Variants in CEP350 observed in about 807,000 individuals in gnomAD.
The protein encoded by CEP350 is centrosomal protein 350.
CEP350 carries 126 observed loss-of-function variants against 331.8 expected under a neutral mutation model. The ratio of observed to expected loss-of-function variants is 0.38; its 90% confidence interval spans 0.33 to 0.44. CEP350 has a LOEUF of 0.44. Among genes scored for constraint, CEP350 ranks in the 20% least tolerant of loss-of-function variants. The probability of loss-of-function intolerance (pLI) is 1.00; values close to 1 mark genes in which losing one functional copy is unlikely to be tolerated. For synonymous variants in CEP350, 1,200 were observed against 1,259.5 expected (o/e 0.95, Z 1.00); for missense variants, 3,406 against 3,634.6 (o/e 0.94, Z 1.62).
At chr1:179,995,070 A>C (rs995048497) in intron 5 of CEP350, among the ~76,000 whole-genome samples, 24 of 152,322 alleles carry the variant, frequency 1.6e-4, no homozygotes, top group African/African-American at 5.1e-4. Context: ...TACATTCCTA[A>C]ATGTTTAGAA....
chr1:180,072,120 A>C (rs1214828481), intron 27 of CEP350, among the ~76,000 whole-genome samples: 1 of 152,232 alleles, frequency 6.6e-6, no homozygotes, highest in Non-Finnish European at 1.5e-5. Flanking sequence ...TACACTCCTT[A>C]TATAAGGATG....
chr1:179,962,607 A>C (rs997802317), intron 1 of CEP350, among the ~76,000 whole-genome samples: 2 of 151,942 alleles, frequency 1.3e-5, no homozygotes, highest in African/African-American at 4.8e-5. Context: ...ATGGAGTTTC[A>C]CTATGTTGGT....
At chr1:179,993,845 T>C (rs752135564) in intron 5 of CEP350, among the ~76,000 whole-genome samples, 6 of 152,208 alleles carry the variant, frequency 3.9e-5, no homozygotes, top group Non-Finnish European at 8.8e-5. Context: ...AAAACTCTTA[T>C]TACTTTCTGT....
rs1653139016 is a variant in CEP350 at position 179,992,072 on chromosome 1, C to T, written c.246C>T (p.Tyr82=). 6 of 1,537,790 alleles carry T rather than the reference C, an allele frequency of 3.9e-6. No homozygotes were observed. The highest frequency in any genetic ancestry group is 3.8e-5 in the South Asian group (3 of 78,506). The change falls in exon 5 of 38, where the codon TAC becomes TAT. Residue 82 remains tyrosine, a synonymous_variant. Transcript: ENST00000367607. ...TRKISRKDGR[Y]LDDSWVNAPI... is the part of the protein sequence containing the mutation. The stretch of plus-strand genomic sequence containing the variant: ...TTCCTTTTCCTTCAGATGGTAGATA[C>T]CTGGATGATTCTTGGGTTAATGCTC...
intron 7 of CEP350, among the ~76,000 whole-genome samples, chr1:180,004,904 TTG>T (rs1350371865): frequency 1.8e-4 from 12 of 66,312 alleles, no homozygotes; most frequent in Admixed American, 9.3e-4. Context: ...GCTTGCTTGC[TTG>T]CTTTCTTTCT....
intron 4 of CEP350, among the ~76,000 whole-genome samples, chr1:179,991,691 GTGTGTGTGTGTGTGTGTATATA>G (rs1243441577): frequency 1.6e-5 from 2 of 126,644 alleles, no homozygotes; most frequent in Admixed American, 1.7e-4. Flanking sequence ...GTGTGTGTGT[GTGTGTGTGTGTGTGTGTATATA>G]TATATATATA....
Position 180,053,922 on chromosome 1 carries a change from A to G in CEP350, c.5162A>G (p.Glu1721Gly). 2.6e-6 allele frequency: 4 copies of G among 1,551,962 alleles called. No homozygotes were observed. The highest frequency in any genetic ancestry group is 2.6e-6 in the Non-Finnish European group (3 of 1,149,658). ...EKTKAELAWL[E>G]HQKKHLRDKG... The stretch of plus-strand genomic sequence containing the variant: ...ACTAAGGCTGAATTGGCCTGGTTAG[A>G]GCATCAAAAAAAGTAAGTTCTTTTG... Residue 1721 changes from glutamate to glycine, a missense_variant, in exon 24 of 38, where the codon GAG becomes GGG. Glu to Gly is a moderately conservative substitution (Grantham distance 98, BLOSUM62 -2). Coordinates refer to ENST00000367607, the MANE Select transcript of CEP350 (RefSeq NM_014810.5).
intron 3 of CEP350, among the ~76,000 whole-genome samples, chr1:179,988,153 T>C (rs1652777156): frequency 6.6e-6 from 1 of 151,720 alleles, no homozygotes; most frequent in Admixed American, 6.6e-5. Flanking sequence ...AAAAATTAGC[T>C]GGGTGTGGTG....
chr1:180,042,132 T>TCTCTCACACACACACACACACACACA (rs1553258521), intron 19 of CEP350, among the ~76,000 whole-genome samples: 3 of 146,774 alleles, frequency 2.0e-5, no homozygotes, highest in African/African-American at 5.0e-5. Context: ...GAGTTTTCTC[T>TCTCTCACACACACACACACACACACA]CACACACACA....
chr1:179,990,538 C>A lies in CEP350; in HGVS notation c.152C>A (p.Ala51Asp). 6.2e-7 allele frequency: 1 copy of A among 1,600,284 alleles called. No homozygotes were observed. The highest frequency in any genetic ancestry group is 8.5e-7 in the Non-Finnish European group (1 of 1,172,368). ...CACATTGAAAATAAATTAGAAGTAG[C>A]CCCTACAAGTACAGCTGTGTGTGAT... ...LRHIENKLEV[A>D]PTSTAVCDSV... is the part of the protein sequence containing the mutation. Residue 51 changes from alanine to aspartate, a missense_variant, in exon 4 of 38, where the codon GCC (alanine) becomes GAC (aspartate). Ala to Asp is a moderately radical substitution (Grantham distance 126, BLOSUM62 -2). Coordinates refer to ENST00000367607, the MANE Select transcript of CEP350 (RefSeq NM_014810.5).
intron 6 of CEP350, among the ~76,000 whole-genome samples, chr1:179,998,462 T>G (rs1014182508): frequency 6.6e-6 from 1 of 151,462 alleles, no homozygotes; most frequent in African/African-American, 2.4e-5. Context: ...CCCACCACCA[T>G]GCCCAGCTAA....
chr1:180,016,033 T>C (rs764175583), intron 11 of CEP350, 63 bp downstream of exon 11: 5 of 1,580,052 alleles, frequency 3.2e-6, no homozygotes, highest in Non-Finnish European at 4.3e-6. Flanking sequence ...GAGTGGTCTA[T>C]GTTCAGAGAA....
rs538145060 is a variant in CEP350 at position 180,113,398 on chromosome 1, A to T, written c.*2237A>T. Reference sequence around the variant, plus strand: ...GACTCCAGAAAAAGAAAAAAAAAATACAAGTCATGGAATCAGCAATCTGGT... The same window carrying T: ...GACTCCAGAAAAAGAAAAAAAAAATTCAAGTCATGGAATCAGCAATCTGGT... On this transcript the variant is annotated 3_prime_UTR_variant, in exon 38 of 38. Transcript: ENST00000367607. The T allele has an allele frequency of 3.3e-5, 5 of 152,146 alleles. No homozygotes were observed. The highest frequency in any genetic ancestry group is 1.5e-5 in the Non-Finnish European group (1 of 68,036). The allele number at this position is 152,146 out of a possible 1,614,324, so 9.4% of individuals were successfully genotyped here.
At chr1:180,088,941 A>C (rs1660015238) in intron 32 of CEP350, among the ~76,000 whole-genome samples, 1 of 152,192 alleles carries the variant, frequency 6.6e-6, no homozygotes, top group Non-Finnish European at 1.5e-5. Context: ...CACAATAGCA[A>C]ATGTCAACAA....
chr1:180,033,884 T>C lies in CEP350; in HGVS notation c.3748T>C (p.Ser1250Pro), dbSNP rs1656182326. 1.9e-6 allele frequency: 3 copies of C among 1,613,746 alleles called. No individual in the cohort carries two copies. In the African/African-American group the frequency reaches 4.0e-5, roughly 22 times the overall value. Residue 1250 changes from serine to proline, a missense_variant, in exon 16 of 38, where the codon TCT (serine) becomes CCT (proline). By Grantham distance (74) the Ser-to-Pro change is moderately conservative (BLOSUM62 -1). This residue lies in a region of CEP350 where 1,857 missense variants were observed against 1,909.2 expected (regional missense o/e 0.97). Coordinates refer to ENST00000367607, the MANE Select transcript of CEP350 (RefSeq NM_014810.5). ...TAGTGTCTCATCAGATAAGGGAAGATCTCAGAAAACTCCAACTTCTCCCCT... is the reference window on the plus strand; with the variant it reads ...TAGTGTCTCATCAGATAAGGGAAGACCTCAGAAAACTCCAACTTCTCCCCT... ...SVSVSSDKGR[S>P]QKTPTSPLSP...
chr1:180,102,579 T>C (rs991757647), intron 37 of CEP350, among the ~76,000 whole-genome samples: 2 of 152,192 alleles, frequency 1.3e-5, no homozygotes, highest in African/African-American at 4.8e-5. Context: ...TCTAAGTCTT[T>C]TACATGTTTA....
chr1:180,006,933 A>G (rs548387613), intron 8 of CEP350, among the ~76,000 whole-genome samples: 1 of 152,214 alleles, frequency 6.6e-6, no homozygotes. Context: ...TGCAAAGGAC[A>G]TGAACTCATC....
chr1:180,046,036 C>T (rs528992231), intron 21 of CEP350, among the ~76,000 whole-genome samples: 5 of 152,292 alleles, frequency 3.3e-5, no homozygotes, highest in African/African-American at 1.2e-4. Context: ...CTTTTACTTA[C>T]CTTTCAAGAA....
chr1:180,107,931 A>G (rs1369623371), intron 37 of CEP350, among the ~76,000 whole-genome samples: 1 of 152,220 alleles, frequency 6.6e-6, no homozygotes, highest in African/African-American at 2.4e-5. Flanking sequence ...ACATATACAT[A>G]CATATATCTT....
Sources: gnomAD v4.1 joint callset for allele counts (sites outside exome capture counted in the v4.1 genomes callset) on GRCh38, gnomAD v4.1.1 for gene constraint, gnomAD v4.1.1 regional missense constraint, MANE v1.5 for transcripts, NCBI Gene and HGNC (gene_info 2026-07-23, HGNC 2026-07-21) for gene names.